DPP10: variants seen among roughly 807,000 people sequenced by gnomAD.
The protein encoded by DPP10 is inactive dipeptidyl peptidase 10.
A neutral mutation model predicts 120.9 loss-of-function variants in DPP10; 33 were observed. The ratio of observed to expected loss-of-function variants is 0.27; its 90% CI spans 0.21 to 0.37. The LOEUF (loss-of-function observed/expected upper bound fraction) is 0.37, where lower values mean the gene tolerates loss of function less well. DPP10 is among the 10% of genes least tolerant of loss of function. DPP10 has a pLI of 1.00. For missense variants in DPP10, 816 were observed against 942.8 expected (o/e 0.87, Z 1.76); for synonymous variants, 337 against 326.1 (o/e 1.03, Z -0.36).
intron 1 of DPP10, among the ~76,000 whole-genome samples, chr2:115,041,117 CAA>C (rs10577275): frequency 3.9e-5 from 5 of 127,934 alleles, no homozygotes; most frequent in Admixed American, 8.1e-5. Context: ...TAGCTCAAAA[CAA>C]AAAAAAAAAA....
intron 1 of DPP10, among the ~76,000 whole-genome samples, chr2:114,792,870 C>G (rs1194291398): frequency 1.3e-5 from 2 of 152,096 alleles, no homozygotes; most frequent in African/African-American, 4.8e-5. Context: ...GGACTTCATT[C>G]CATGTGACTT....
At chr2:115,240,360 T>C (rs182724739) in intron 1 of DPP10, among the ~76,000 whole-genome samples, 19 of 152,366 alleles carry the variant, frequency 1.2e-4, no homozygotes, top group African/African-American at 4.3e-4. Flanking sequence ...CCAGTGATGA[T>C]GAGCTTTTTT....
At chr2:115,737,531 A>C (rs1334411601) in intron 8 of DPP10, among the ~76,000 whole-genome samples, 1 of 152,114 alleles carries the variant, frequency 6.6e-6, no homozygotes, top group Non-Finnish European at 1.5e-5. Flanking sequence ...GAGAGTCCCA[A>C]AGGCTCCACA....
chr2:115,083,867 G>A (rs577395871), intron 1 of DPP10, among the ~76,000 whole-genome samples: 1 of 152,184 alleles, frequency 6.6e-6, no homozygotes, highest in African/African-American at 2.4e-5. Context: ...TTTGCCTTAG[G>A]ATTGTCAAAG....
At chr2:114,563,270 G>A (rs1688918420) in intron 1 of DPP10, among the ~76,000 whole-genome samples, 1 of 151,936 alleles carries the variant, frequency 6.6e-6, no homozygotes, top group South Asian at 2.1e-4. Flanking sequence ...TACTTGGAAG[G>A]CTGAGACAAG....
chr2:115,000,963 A>G (rs914240784), intron 1 of DPP10, among the ~76,000 whole-genome samples: 2 of 152,328 alleles, frequency 1.3e-5, no homozygotes, highest in Non-Finnish European at 2.9e-5. Flanking sequence ...AGAGCTGAAA[A>G]CAATACGTAT....
chr2:115,194,168 G>A (rs796282177), intron 1 of DPP10, among the ~76,000 whole-genome samples: 6 of 152,022 alleles, frequency 3.9e-5, no homozygotes, highest in East Asian at 3.9e-4. Flanking sequence ...TAGCAAAGCC[G>A]TTGCTGCTAC....
intron 3 of DPP10, among the ~76,000 whole-genome samples, 171 bp downstream of exon 3, chr2:115,344,083 C>G (rs1262208655): frequency 1.3e-5 from 2 of 149,050 alleles, no homozygotes; most frequent in East Asian, 4.0e-4. Context: ...TCGCAGTGAG[C>G]CGAGATCGCA....
chr2:115,586,366 G>A (rs1320373443), intron 5 of DPP10, among the ~76,000 whole-genome samples: 1 of 151,990 alleles, frequency 6.6e-6, no homozygotes, highest in Non-Finnish European at 1.5e-5. Flanking sequence ...GAGAAAATAT[G>A]ACAGCAAATG....
At chr2:114,470,680 A>G (rs1445254378) in intron 1 of DPP10, among the ~76,000 whole-genome samples, 1 of 152,218 alleles carries the variant, frequency 6.6e-6, no homozygotes, top group African/African-American at 2.4e-5. Context: ...AAGTGTAGCT[A>G]TATTCATGTA....
intron 1 of DPP10, among the ~76,000 whole-genome samples, chr2:114,933,494 A>T (rs1486418800): frequency 3.3e-5 from 5 of 152,188 alleles, no homozygotes; most frequent in African/African-American, 1.2e-4. Flanking sequence ...CTGAATGCAA[A>T]ATTCAAAATA....
chr2:115,838,832 C>A (rs1366439374), intron 24 of DPP10, among the ~76,000 whole-genome samples: 1 of 152,124 alleles, frequency 6.6e-6, no homozygotes, highest in Admixed American at 6.5e-5. Flanking sequence ...ACACATACCA[C>A]ACAACCCATA....
At chr2:114,611,229 G>C (rs1048166323) in intron 1 of DPP10, among the ~76,000 whole-genome samples, 1 of 152,064 alleles carries the variant, frequency 6.6e-6, no homozygotes, top group African/African-American at 2.4e-5. Flanking sequence ...GCTCATCCAG[G>C]ATTTAAAAAT....
intron 1 of DPP10, among the ~76,000 whole-genome samples, chr2:114,534,796 G>T (rs1686345508): frequency 6.6e-6 from 1 of 151,888 alleles, no homozygotes; most frequent in Non-Finnish European, 1.5e-5. Flanking sequence ...GGCAACTAGT[G>T]GTCTACCTGA....
intron 1 of DPP10, among the ~76,000 whole-genome samples, chr2:114,996,503 CAA>C (rs1479170479): frequency 6.6e-6 from 1 of 152,058 alleles, no homozygotes; most frequent in Non-Finnish European, 1.5e-5. Flanking sequence ...ATACTGAAGA[CAA>C]GTTTTAATTT....
intron 1 of DPP10, among the ~76,000 whole-genome samples, chr2:114,460,189 CTATCTAT>C (rs1558776817): frequency 2.5e-4 from 38 of 151,144 alleles, no homozygotes; most frequent in African/African-American, 8.8e-4. Context: ...ATCTATCTAT[CTATCTAT>C]CTATCTATCT....
chr2:115,844,386 T>C lies in DPP10; in HGVS notation c.*2041T>C. ...ATCATTTCTCTTGTTTTATTATTATTATCAATGTTTATCTATTTTTCAATT... is the reference window on the plus strand; with the variant it reads ...ATCATTTCTCTTGTTTTATTATTATCATCAATGTTTATCTATTTTTCAATT... On this transcript the variant is annotated 3_prime_UTR_variant, in exon 26 of 26. Coordinates refer to ENST00000410059, the MANE Select transcript of DPP10 (RefSeq NM_020868.6). 1 of 152,360 alleles carries C rather than the reference T, an allele frequency of 6.6e-6. No individual in the cohort carries two copies. The highest frequency in any genetic ancestry group is 2.1e-4 in the South Asian group (1 of 4,826). 9.4% of individuals were successfully genotyped at this position (152,360 alleles called of 1,614,324 possible). A position where few individuals can be genotyped will look rare whatever the true frequency, so the allele number is the denominator to read the frequency against.
intron 1 of DPP10, among the ~76,000 whole-genome samples, chr2:114,814,701 C>G (rs566605519): frequency 6.6e-6 from 1 of 152,052 alleles, no homozygotes; most frequent in Non-Finnish European, 1.5e-5. Context: ...AAAAAAAAAG[C>G]TGACTCCATT....
chr2:114,797,289 G>A (rs1305896431), intron 1 of DPP10, among the ~76,000 whole-genome samples: 1 of 152,144 alleles, frequency 6.6e-6, no homozygotes, highest in Non-Finnish European at 1.5e-5. Flanking sequence ...CTGGACCTTA[G>A]TTATCCCTAA....
Sources: gnomAD v4.1 joint callset for allele counts (sites outside exome capture counted in the v4.1 genomes callset) on GRCh38, gnomAD v4.1.1 for gene constraint, MANE v1.5 for transcripts, NCBI Gene and HGNC (gene_info 2026-07-23, HGNC 2026-07-21) for gene names.